The following OR3A2 variants were observed in gnomAD, a reference collection of about 807,000 sequenced individuals.
The protein encoded by OR3A2 is olfactory receptor family 3 subfamily A member 2.
For synonymous variants in OR3A2, 126 were observed against 159.3 expected (o/e 0.79, Z 1.57); for missense variants, 318 against 392.8 (o/e 0.81, Z 1.61).
chr17:3,360,143 G>A (rs2049498787), intron 2 of OR3A2, among the ~76,000 whole-genome samples: 1 of 151,760 alleles, frequency 6.6e-6, no homozygotes, highest in Admixed American at 6.6e-5. Context: ...TCTCATTGTG[G>A]TTTTAATTTG....
intron 3 of OR3A2, among the ~76,000 whole-genome samples, chr17:3,307,113 C>T (rs533333327): frequency 1.9e-4 from 29 of 152,242 alleles, no homozygotes; most frequent in African/African-American, 7.0e-4. Context: ...AACTGAGGAT[C>T]GCCTGCATGT....
intron 3 of OR3A2, among the ~76,000 whole-genome samples, chr17:3,324,194 G>C (rs368081339): frequency 6.6e-6 from 1 of 152,004 alleles, no homozygotes; most frequent in Non-Finnish European, 1.5e-5. Context: ...CTCGTGCCTT[G>C]GTTTTCAGCT....
At chr17:3,368,668 T>C (rs1052823960) in intron 2 of OR3A2, among the ~76,000 whole-genome samples, 2 of 152,232 alleles carry the variant, frequency 1.3e-5, no homozygotes, top group Non-Finnish European at 2.9e-5. Flanking sequence ...TTGGGTAACG[T>C]GATACTTCCA....
Position 3,342,992 on chromosome 17 carries a change from G to C in OR3A2, c.-178-6866C>G, listed in dbSNP as rs115553494. On this transcript the variant is annotated intron_variant, in intron 2 of 4. Coordinates refer to the OR3A2 transcript ENST00000573491. Reference sequence around the variant, plus strand: ...CGCCCCTCCTCCAGCCAGGCTTGCCGCCTTGCAGTTCGATCTTGGACTGCT... The same window carrying C: ...CGCCCCTCCTCCAGCCAGGCTTGCCCCCTTGCAGTTCGATCTTGGACTGCT... Among the ~76,000 whole-genome samples the C allele has an allele frequency of 7.7e-4, 118 of 152,284 alleles. No homozygotes were observed. The South Asian group carries it at 9.1e-3, about 12-fold the overall frequency.
At chr17:3,347,525 G>A (rs151131) in intron 2 of OR3A2, among the ~76,000 whole-genome samples, 61,429 of 151,840 alleles carry the variant, frequency 0.4, 12,762 homozygotes, top group Admixed American at 0.52. Context: ...ATAGTTTACT[G>A]AGAATGATGG....
At chr17:3,322,743 G>C (rs1471417199) in intron 3 of OR3A2, among the ~76,000 whole-genome samples, 1 of 152,114 alleles carries the variant, frequency 6.6e-6, no homozygotes, top group Non-Finnish European at 1.5e-5. Context: ...GAGACAGTTT[G>C]TTATAATTTC....
intron 2 of OR3A2, among the ~76,000 whole-genome samples, chr17:3,374,555 T>C (rs1335239300): frequency 6.6e-6 from 1 of 152,234 alleles, no homozygotes; most frequent in Non-Finnish European, 1.5e-5. Context: ...ACATTCTTTC[T>C]TCCACCTGTT....
At chr17:3,320,954 A>C (rs370416241) in intron 3 of OR3A2, among the ~76,000 whole-genome samples, 443 of 146,254 alleles carry the variant, frequency 3.0e-3, no homozygotes, top group Non-Finnish European at 5.6e-3. Context: ...CATTGAATCT[A>C]TAAATTACCT....
intron 2 of OR3A2, among the ~76,000 whole-genome samples, chr17:3,345,503 A>C (rs1017596636): frequency 6.6e-6 from 1 of 152,126 alleles, no homozygotes; most frequent in Non-Finnish European, 1.5e-5. Context: ...GAACAACAAA[A>C]TTATAATAAG....
intron 3 of OR3A2, among the ~76,000 whole-genome samples, chr17:3,314,464 C>G (rs1026758883): frequency 1.3e-5 from 2 of 151,576 alleles, no homozygotes; most frequent in Non-Finnish European, 2.9e-5. Context: ...AGTTGTATAG[C>G]ACATATGACT....
chr17:3,364,480 GC>G (rs951182806), intron 2 of OR3A2, among the ~76,000 whole-genome samples: 1 of 152,068 alleles, frequency 6.6e-6, no homozygotes, highest in Non-Finnish European at 1.5e-5. Context: ...TTTGACCAAT[GC>G]CCCCCATCCC....
intron 2 of OR3A2, among the ~76,000 whole-genome samples, chr17:3,354,339 T>C (rs1318633965): frequency 6.6e-6 from 1 of 151,346 alleles, no homozygotes; most frequent in Non-Finnish European, 1.5e-5. Flanking sequence ...TTGAGAAAGG[T>C]TTTGCTCTGT....
chr17:3,299,773 C>A (rs1049001591), intron 3 of OR3A2, among the ~76,000 whole-genome samples: 2 of 152,222 alleles, frequency 1.3e-5, no homozygotes, highest in African/African-American at 4.8e-5. Flanking sequence ...TTAGGACCAG[C>A]TGCTCAGCAA....
At chr17:3,297,800 A>G (rs1317600030) in intron 3 of OR3A2, among the ~76,000 whole-genome samples, 2 of 152,168 alleles carry the variant, frequency 1.3e-5, no homozygotes, top group Non-Finnish European at 2.9e-5. Context: ...AGTAAAAGGG[A>G]GCATCAGATT....
chr17:3,284,579 A>T (rs1403812205), upstream of OR3A2: 1 of 149,448 alleles, frequency 6.7e-6, no homozygotes. Context: ...GGGGGGAGAG[A>T]CACGGAAAAG....
intron 2 of OR3A2, among the ~76,000 whole-genome samples, chr17:3,352,496 T>A (rs2049429067): frequency 6.6e-6 from 1 of 152,008 alleles, no homozygotes; most frequent in Admixed American, 6.6e-5. Flanking sequence ...CCCAACACCA[T>A]TTGTTAAAGA....
intron 1 of OR3A2, among the ~76,000 whole-genome samples, chr17:3,280,327 A>C (rs2048769359): frequency 6.7e-6 from 1 of 150,326 alleles, no homozygotes; most frequent in Non-Finnish European, 1.5e-5. Context: ...GCTGGAGTGC[A>C]GTGGCGCGAT....
chr17:3,327,956 G>GTACTACAGTATAGTATAGTA, intron 3 of OR3A2, among the ~76,000 whole-genome samples: 26 of 113,110 alleles, frequency 2.3e-4, no homozygotes, highest in African/African-American at 1.1e-3. Context: ...TTTGGTTACT[G>GTACTACAGTATAGTATAGTA]TAGCCTTGTA....
At chr17:3,323,916 T>G (rs1483903300) in intron 3 of OR3A2, among the ~76,000 whole-genome samples, 3 of 152,008 alleles carry the variant, frequency 2.0e-5, no homozygotes, top group South Asian at 4.1e-4. Context: ...CCTTGCTAGA[T>G]GGGGGAAGTT....
Sources: allele counts gnomAD v4.1 joint callset (sites outside exome capture counted in the v4.1 genomes callset), GRCh38; gene constraint gnomAD v4.1.1; transcripts MANE v1.5; gene names NCBI Gene and HGNC (gene_info 2026-07-23, HGNC 2026-07-21).